Variants in SGCE observed in about 807,000 individuals in gnomAD.
The protein encoded by SGCE is epsilon-sarcoglycan.
A neutral mutation model predicts 57.8 loss-of-function variants in SGCE; 26 were observed. The ratio of observed to expected loss-of-function variants is 0.45; its 90% CI spans 0.33 to 0.62. SGCE has a LOEUF of 0.62. Among genes scored for constraint, SGCE ranks in the 20% least tolerant of loss-of-function variants. The pLI is 0.02. For synonymous variants in SGCE, 183 were observed against 189.5 expected (o/e 0.97, Z 0.28); for missense variants, 468 against 548.6 (o/e 0.85, Z 1.47).
At chr7:94,588,952 C>T (rs939379431) in intron 9 of SGCE, 68 of 559,068 alleles carry the variant, frequency 1.2e-4, no homozygotes, top group South Asian at 5.6e-4. Context: ...ATTTTCACTG[C>T]GGGCTATACT....
At chr7:94,587,121 AAAC>A (rs1398887628) in intron 10 of SGCE, 16 of 983,502 alleles carry the variant, frequency 1.6e-5, no homozygotes, top group African/African-American at 5.2e-5. Context: ...AAATTAGGTT[AAAC>A]AACCTTAAAA....
intron 9 of SGCE, 55 bp from the exon 10 acceptor site, chr7:94,588,787 G>A (rs1584475753): frequency 1.9e-6 from 3 of 1,607,996 alleles, no homozygotes; most frequent in Non-Finnish European, 2.6e-6. Context: ...CTTGTAAACA[G>A]AGAGCAGACA....
chr7:94,599,289 A>T (rs772831982), intron 8 of SGCE: 21 of 289,786 alleles, frequency 7.2e-5, no homozygotes, highest in Non-Finnish European at 1.1e-4. Flanking sequence ...CATAGCTTTT[A>T]TATTTTTGCT....
chr7:94,611,567 TATA>T (rs1206751833), intron 5 of SGCE, among the ~76,000 whole-genome samples: 1 of 152,188 alleles, frequency 6.6e-6, no homozygotes, highest in Non-Finnish European at 1.5e-5. Context: ...TAAAATTGGT[TATA>T]ATAATGATTG....
At chr7:94,639,312 A>T (rs1158673580) in intron 1 of SGCE, 2 of 1,334,630 alleles carry the variant, frequency 1.5e-6, no homozygotes, top group Non-Finnish European at 2.1e-6. Context: ...GCTCCCCCAA[A>T]GGGATTTAGA....
intron 10 of SGCE, chr7:94,587,138 C>T: frequency 4.1e-6 from 4 of 983,786 alleles, no homozygotes; most frequent in Non-Finnish European, 4.8e-6. Context: ...CTTAAAATCC[C>T]CTAGGAAAAC....
chr7:94,620,687 T>C (rs1802630048), intron 4 of SGCE: 1 of 152,252 alleles, frequency 6.6e-6, no homozygotes, highest in Non-Finnish European at 1.5e-5. Context: ...TCTAAAACTT[T>C]TTTCTTATGA....
At chr7:94,624,376 CTGAG>C in intron 3 of SGCE, 1 of 395,454 alleles carries the variant, frequency 2.5e-6, no homozygotes, top group Non-Finnish European at 4.5e-6. Flanking sequence ...ATTGAAAATA[CTGAG>C]TTAGAACAGT....
rs182204103 is a variant in SGCE at position 94,589,852 on chromosome 7, A to G, written c.1254-1120T>C. 1.1e-3 allele frequency: 177 copies of G among 161,218 alleles called. 1 individual carries two copies. Among genetic ancestry groups the G allele is most frequent in the Admixed American group, 2.7e-3 (42 of 15,654 alleles). 10.0% of individuals were successfully genotyped at this position (161,218 alleles called of 1,614,324 possible). A position where few individuals can be genotyped will look rare whatever the true frequency, so the allele number is the denominator to read the frequency against. On this transcript the variant is annotated intron_variant, in intron 9 of 10. Transcript: ENST00000648936. ...ATATAATATTTCATTATATATTACA[A>G]TGTAATAATAGAAATAAAGTGCATA...
intron 5 of SGCE, among the ~76,000 whole-genome samples, chr7:94,611,001 A>T (rs1481012816): frequency 1.3e-5 from 2 of 152,208 alleles, no homozygotes; most frequent in African/African-American, 4.8e-5. Flanking sequence ...GATAATAGCT[A>T]GTGCTGGTGA....
intron 1 of SGCE, among the ~76,000 whole-genome samples, chr7:94,654,800 A>G (rs899493243): frequency 3.9e-5 from 6 of 152,198 alleles, no homozygotes; most frequent in African/African-American, 9.6e-5. Context: ...AATGTGCTCA[A>G]TTTTGCTCTT....
intron 1 of SGCE, chr7:94,640,930 G>C (rs980122852): frequency 1.3e-5 from 2 of 152,236 alleles, no homozygotes; most frequent in Non-Finnish European, 2.9e-5. Context: ...TTACAGGTGT[G>C]GGCCACTGCA....
intron 1 of SGCE, among the ~76,000 whole-genome samples, chr7:94,643,898 T>C (rs953286793): frequency 6.6e-6 from 1 of 152,208 alleles, no homozygotes; most frequent in African/African-American, 2.4e-5. Flanking sequence ...ATTTAAAATA[T>C]GTATCCTACC....
intron 5 of SGCE, among the ~76,000 whole-genome samples, chr7:94,612,255 GT>G (rs551219144): frequency 2.6e-5 from 4 of 151,778 alleles, no homozygotes; most frequent in Admixed American, 2.0e-4. Flanking sequence ...GCTTTGAAAT[GT>G]TTTTTTTCTT....
At chr7:94,645,846 A>G (rs1471467522) in intron 1 of SGCE, among the ~76,000 whole-genome samples, 1 of 152,234 alleles carries the variant, frequency 6.6e-6, no homozygotes, top group Non-Finnish European at 1.5e-5. Context: ...TAATTTGAAG[A>G]AAATTTTGGA....
At chr7:94,652,459 T>C (rs140463045) in intron 1 of SGCE, among the ~76,000 whole-genome samples, 14 of 152,340 alleles carry the variant, frequency 9.2e-5, no homozygotes, top group African/African-American at 3.4e-4. Flanking sequence ...GGAATTTTTT[T>C]AACAAGTCAG....
intron 1 of SGCE, among the ~76,000 whole-genome samples, chr7:94,651,158 CA>C (rs1807820673): frequency 6.6e-6 from 1 of 152,194 alleles, no homozygotes; most frequent in Admixed American, 6.5e-5. Context: ...TGCCACCATA[CA>C]AAGTCATCTC....
At chr7:94,639,518 G>T in intron 1 of SGCE, 1 of 890,642 alleles carries the variant, frequency 1.1e-6, no homozygotes, top group Non-Finnish European at 1.8e-6. Flanking sequence ...GACTGTCACA[G>T]ATCACCTACA....
intron 5 of SGCE, among the ~76,000 whole-genome samples, chr7:94,607,618 T>G (rs1260872657): frequency 6.6e-6 from 1 of 152,052 alleles, no homozygotes; most frequent in African/African-American, 2.4e-5. Context: ...AAAAAAAAAT[T>G]CTTAGTAAAC....
Sources: allele counts gnomAD v4.1 joint callset (sites outside exome capture counted in the v4.1 genomes callset), GRCh38; gene constraint gnomAD v4.1.1; transcripts MANE v1.5; gene names NCBI Gene and HGNC (gene_info 2026-07-23, HGNC 2026-07-21).